The following TENM2 variants were observed in gnomAD, a reference collection of about 807,000 sequenced individuals.
The protein encoded by TENM2 is teneurin transmembrane protein 2.
A neutral mutation model predicts 245.2 loss-of-function variants in TENM2; 52 were observed. That is an observed-to-expected ratio of 0.21 (90% CI 0.17 to 0.27). The LOEUF (loss-of-function observed/expected upper bound fraction) is 0.27, where lower values mean the gene tolerates loss of function less well. Ranked by LOEUF, TENM2 falls within the 10% of genes least tolerant of loss-of-function variation. TENM2 has a pLI of 1.00. For missense variants in TENM2, 3,046 were observed against 3,666.8 expected, an observed-to-expected ratio of 0.83 and a Z score of 4.37; for synonymous variants, 1,363 against 1,438.9, an observed-to-expected ratio of 0.95 and a Z score of 1.19.
At chr5:167,549,935 C>T (rs1488108888) in intron 2 of TENM2, among the ~76,000 whole-genome samples, 2 of 152,040 alleles carry the variant, frequency 1.3e-5, no homozygotes, top group Non-Finnish European at 2.9e-5. Flanking sequence ...ATGAAAATGG[C>T]TCACTTGGAA....
chr5:168,029,257 A>G (rs1786896966), intron 5 of TENM2, among the ~76,000 whole-genome samples: 1 of 152,170 alleles, frequency 6.6e-6, no homozygotes, highest in Non-Finnish European at 1.5e-5. Context: ...GGATCTCAAC[A>G]TACGAATTCT....
intron 2 of TENM2, among the ~76,000 whole-genome samples, chr5:167,545,307 C>A (rs559363008): frequency 6.6e-6 from 1 of 152,246 alleles, no homozygotes; most frequent in South Asian, 2.1e-4. Context: ...TATTTGTACA[C>A]AGTTTTCTCT....
At chr5:166,981,041 A>C in the TENM2 span, among the ~76,000 whole-genome samples, 2 of 152,206 alleles carry the variant, frequency 1.3e-5, no homozygotes, top group African/African-American at 4.8e-5. Context: ...TTCAGCCCCA[A>C]AAAACAAAAC....
intron 2 of TENM2, among the ~76,000 whole-genome samples, chr5:167,583,651 C>A (rs141718513): frequency 0.016 from 2,406 of 152,234 alleles, 24 homozygotes; most frequent in Non-Finnish European, 0.025. Context: ...ATTAATGGAG[C>A]ACTTACAACG....
chr5:167,665,977 C>G (rs1755549342), intron 2 of TENM2, among the ~76,000 whole-genome samples: 1 of 152,182 alleles, frequency 6.6e-6, no homozygotes, highest in South Asian at 2.1e-4. Flanking sequence ...CTTCAGTAAC[C>G]TCTGATTCCA....
chr5:167,690,237 C>A (rs1757338515), intron 2 of TENM2, among the ~76,000 whole-genome samples: 1 of 146,992 alleles, frequency 6.8e-6, no homozygotes, highest in Non-Finnish European at 1.5e-5. Flanking sequence ...ATCCTTAATT[C>A]TTAAACTCTT....
chr5:167,659,382 T>C (rs1311400912), intron 2 of TENM2, among the ~76,000 whole-genome samples: 1 of 152,216 alleles, frequency 6.6e-6, no homozygotes, highest in Non-Finnish European at 1.5e-5. Context: ...CTTTCAATTG[T>C]CAACTAGAAA....
At chr5:168,095,076 T>C (rs1436257188) in intron 8 of TENM2, among the ~76,000 whole-genome samples, 1 of 151,948 alleles carries the variant, frequency 6.6e-6, no homozygotes, top group African/African-American at 2.4e-5. Flanking sequence ...TTTGACATTA[T>C]GGTGAGTTGT....
At chr5:167,207,693 C>G in the TENM2 span, among the ~76,000 whole-genome samples, 1 of 152,122 alleles carries the variant, frequency 6.6e-6, no homozygotes, top group Admixed American at 6.6e-5. Context: ...AATGAGACAG[C>G]GTGCATGAGA....
chr5:167,511,076 C>A (rs1175813133), intron 2 of TENM2, among the ~76,000 whole-genome samples: 1 of 152,146 alleles, frequency 6.6e-6, no homozygotes, highest in Non-Finnish European at 1.5e-5. Flanking sequence ...ATTTATCCCA[C>A]ATGTATTACA....
intron 5 of TENM2, among the ~76,000 whole-genome samples, chr5:168,012,806 G>T (rs1785351341): frequency 7.2e-6 from 1 of 139,692 alleles, no homozygotes; most frequent in Non-Finnish European, 1.5e-5. Flanking sequence ...AACCCTAACA[G>T]TGGTTTATAT....
At chr5:167,016,775 A>G in the TENM2 span, among the ~76,000 whole-genome samples, 1 of 152,196 alleles carries the variant, frequency 6.6e-6, no homozygotes, top group Admixed American at 6.5e-5. Context: ...TTTGTGCTCA[A>G]CTGTTTCCCC....
the TENM2 span, among the ~76,000 whole-genome samples, chr5:167,089,890 G>A: frequency 6.6e-6 from 1 of 152,090 alleles, no homozygotes; most frequent in African/African-American, 2.4e-5. Context: ...GCGAGGAAGG[G>A]GGTATCAGTT....
chr5:167,708,340 TTGAGAGTGTCAC>T (rs1195321203), intron 2 of TENM2, among the ~76,000 whole-genome samples: 1 of 152,160 alleles, frequency 6.6e-6, no homozygotes, highest in Non-Finnish European at 1.5e-5. Flanking sequence ...ACTTTTAATA[TTGAGAGTGTCAC>T]TGTTAGGGTG....
intron 2 of TENM2, among the ~76,000 whole-genome samples, chr5:167,750,105 G>A (rs1250014753): frequency 2.0e-5 from 3 of 152,044 alleles, no homozygotes; most frequent in African/African-American, 7.2e-5. Context: ...AATGTTAATG[G>A]CCCACCTCGA....
chr5:167,655,981 A>G (rs1754814876), intron 2 of TENM2, among the ~76,000 whole-genome samples: 1 of 152,166 alleles, frequency 6.6e-6, no homozygotes, highest in Non-Finnish European at 1.5e-5. Context: ...AGCTGTTAAT[A>G]ATTTGTTAAC....
At chr5:167,873,715 G>A (rs1773176244) in intron 2 of TENM2, among the ~76,000 whole-genome samples, 1 of 152,110 alleles carries the variant, frequency 6.6e-6, no homozygotes, top group Non-Finnish European at 1.5e-5. Flanking sequence ...CCTGGGATGA[G>A]GGAGGTATTG....
chr5:167,328,585 C>T (rs1438350706), intron 1 of TENM2, among the ~76,000 whole-genome samples: 1 of 152,184 alleles, frequency 6.6e-6, no homozygotes. Context: ...CAAGTGTCCC[C>T]TTTAGTTAAT....
At chr5:167,148,979 A>T in the TENM2 span, among the ~76,000 whole-genome samples, 1 of 152,120 alleles carries the variant, frequency 6.6e-6, no homozygotes. Context: ...TTTATAAGTT[A>T]TATTAGGATG....
Sources: gnomAD v4.1 joint callset for allele counts (sites outside exome capture counted in the v4.1 genomes callset) on GRCh38, gnomAD v4.1.1 for gene constraint, MANE v1.5 for transcripts, NCBI Gene and HGNC (gene_info 2026-07-23, HGNC 2026-07-21) for gene names.